The following AGAP1 variants were observed in gnomAD, a reference collection of about 807,000 sequenced individuals.
AGAP1 encodes ArfGAP with GTPase domain, ankyrin repeat and PH domain 1.
In AGAP1, 29 loss-of-function variants were observed where a neutral mutation model predicts 105.3. The ratio of observed to expected loss-of-function variants is 0.28; its 90% confidence interval spans 0.21 to 0.38. AGAP1 has a LOEUF of 0.38. Among genes scored for constraint, AGAP1 ranks in the 10% least tolerant of loss-of-function variants. The pLI, the probability that AGAP1 is intolerant of heterozygous loss-of-function variation, is 1.00. For missense variants in AGAP1, 998 were observed against 1,165.1 expected (o/e 0.86, Z 2.09); for synonymous variants, 509 against 485.9 (o/e 1.05, Z -0.63).
chr2:235,905,971 A>C lies in AGAP1; in HGVS notation c.1156-2767A>C, dbSNP rs2051285445. Among the ~76,000 whole-genome samples, 1 of 152,194 alleles carries C rather than the reference A, an allele frequency of 6.6e-6. No individual in the cohort carries two copies. Among genetic ancestry groups the C allele is most frequent in the Admixed American group, 6.5e-5 (1 of 15,286 alleles). ...TTGATTATGTTTTGTGGAGTCCAGC[A>C]TCTCAACTTCCAAGTGGAATCCCTT... On this transcript the variant is annotated intron_variant, in intron 10 of 17. Transcript: ENST00000304032. The surrounding 1 kb of genome is among the most constrained non-coding windows in gnomAD (Gnocchi z 4.2).
chr2:235,513,069 C>T (rs1413374679), intron 1 of AGAP1, among the ~76,000 whole-genome samples: 2 of 151,412 alleles, frequency 1.3e-5, no homozygotes, highest in Non-Finnish European at 2.9e-5. Flanking sequence ...ATCTAGTTTG[C>T]ACTTTCATTG....
rs570708313 is a variant in AGAP1 at position 235,981,588 on chromosome 2, G to T, written c.1645+12965G>T. On this transcript the variant is annotated intron_variant, in intron 13 of 17. Transcript: ENST00000304032. The surrounding 1 kb of genome is among the most constrained non-coding windows in gnomAD (Gnocchi z 5.5). Reference sequence around the variant, plus strand: ...ATCAATCACGAAACAGAAACTCAGAGTTGACAATCTATTAGCAATAATATC... The same window carrying T: ...ATCAATCACGAAACAGAAACTCAGATTTGACAATCTATTAGCAATAATATC... Among the ~76,000 whole-genome samples the T allele has an allele frequency of 6.6e-6, 1 of 152,290 alleles. No homozygotes were observed. Among genetic ancestry groups the T allele is most frequent in the Non-Finnish European group, 1.5e-5 (1 of 68,008 alleles).
chr2:236,078,092 G>A lies in AGAP1; in HGVS notation c.2114+28811G>A, dbSNP rs2058689812. Among the ~76,000 whole-genome samples, 2 of 144,934 alleles carry A rather than the reference G, an allele frequency of 1.4e-5. No homozygotes were observed. Among genetic ancestry groups the A allele is most frequent in the Non-Finnish European group, 3.0e-5 (2 of 66,188 alleles). On this transcript the variant is annotated intron_variant, in intron 16 of 17. Transcript: ENST00000304032. This position sits in a 1 kb window ranked among gnomAD's most constrained non-coding sequence, Gnocchi z 5.3. ...GTGTGTGTAATCTGAAGTGTGTAGG[G>A]CAGGCCAGCTGGTGTGTGTGTGCAT...
chr2:235,504,472 G>GC (rs1158335836), intron 1 of AGAP1, among the ~76,000 whole-genome samples: 21 of 151,618 alleles, frequency 1.4e-4, no homozygotes, highest in South Asian at 1.1e-3. Flanking sequence ...TGTGTGAGTG[G>GC]TTGCCTGTTT....
At chr2:236,016,315 A>G (rs561489424) in intron 13 of AGAP1, among the ~76,000 whole-genome samples, 35 of 150,390 alleles carry the variant, frequency 2.3e-4, no homozygotes, top group East Asian at 1.8e-3. Flanking sequence ...CGTTTTTTAA[A>G]TGTTTTTCAA....
chr2:235,686,620 G>GATAGATATAGATATATATATATATAT (rs1949416375), intron 1 of AGAP1, among the ~76,000 whole-genome samples: 1 of 57,244 alleles, frequency 1.7e-5, no homozygotes, highest in African/African-American at 8.7e-5. Context: ...TGGAGATATA[G>GATAGATATAGATATATATATATATAT]ATATATATAT....
At chr2:236,033,847 C>T (rs2057298847) in intron 13 of AGAP1, among the ~76,000 whole-genome samples, 1 of 152,224 alleles carries the variant, frequency 6.6e-6, no homozygotes, top group Non-Finnish European at 1.5e-5. Flanking sequence ...TACAGGGGAC[C>T]AGTTGTGCAG....
chr2:236,051,997 G>A lies in AGAP1; in HGVS notation c.2114+2716G>A, dbSNP rs1246121567. 6.6e-6 allele frequency among the ~76,000 whole-genome samples: 1 copy of A among 152,134 alleles called. No individual in the cohort carries two copies. Among genetic ancestry groups the A allele is most frequent in the African/African-American group, 2.4e-5 (1 of 41,414 alleles). ...CTCCGCAAGCCGGTCTGTCCATGAC[G>A]TGAGAAGATTCTGCCTTTCGAAGCC... On this transcript the variant is annotated intron_variant, in intron 16 of 17. Transcript: ENST00000304032. This position sits in a 1 kb window ranked among gnomAD's most constrained non-coding sequence, Gnocchi z 5.9.
At chr2:235,688,248 G>A (rs1403512706) in intron 1 of AGAP1, among the ~76,000 whole-genome samples, 2 of 152,158 alleles carry the variant, frequency 1.3e-5, no homozygotes, top group African/African-American at 2.4e-5. Flanking sequence ...TTGCTGGGCT[G>A]TAGATGGACA....
rs142383642 is a variant in AGAP1, at chr2:235,683,064, T to C, written c.164-26115T>C. On this transcript the variant is annotated intron_variant, in intron 1 of 17. Transcript: ENST00000304032. ...CTTAATTCCTGTAATCCCAGCACTT[T>C]GGGAGGCCGAGGTGGGCAGATCACT... Among the ~76,000 whole-genome samples, 945 of 152,230 alleles carry C rather than the reference T, an allele frequency of 6.2e-3. 13 individuals are homozygous for C. The highest frequency in any genetic ancestry group is 0.019 in the African/African-American group (794 of 41,522).
In AGAP1 at chr2:236,009,760, C is replaced by T. The variant is rs891761934; in HGVS notation, c.1646-26801C>T. Among the ~76,000 whole-genome samples, 7 of 152,202 alleles carry T rather than the reference C, an allele frequency of 4.6e-5. No homozygotes were observed. Among genetic ancestry groups the T allele is most frequent in the East Asian group, 1.9e-4 (1 of 5,204 alleles). The stretch of plus-strand genomic sequence containing the variant: ...CGTGCCTCATTTAGCCGTCCCTGCT[C>T]GGTTCACGCCAAGGATGTAATTCAT... On this transcript the variant is annotated intron_variant, in intron 13 of 17. Coordinates refer to ENST00000304032, the MANE Select transcript of AGAP1 (RefSeq NM_001037131.3). The surrounding 1 kb of genome is among the most constrained non-coding windows in gnomAD (Gnocchi z 4.2).
At chr2:235,638,450 G>C (rs1559306392) in intron 1 of AGAP1, among the ~76,000 whole-genome samples, 1 of 152,132 alleles carries the variant, frequency 6.6e-6, no homozygotes, top group Non-Finnish European at 1.5e-5. Context: ...AGAACAAATT[G>C]TGAATAGAGA....
At chr2:236,098,021 T>G (rs369160180) in intron 16 of AGAP1, among the ~76,000 whole-genome samples, 24 of 152,356 alleles carry the variant, frequency 1.6e-4, no homozygotes, top group African/African-American at 5.8e-4. Context: ...ATATGCAGCC[T>G]TTAAGAAGGC....
chr2:235,795,468 G>A (rs112884527), intron 6 of AGAP1, among the ~76,000 whole-genome samples: 4 of 152,086 alleles, frequency 2.6e-5, no homozygotes, highest in East Asian at 3.9e-4. Flanking sequence ...TCATGCTCCC[G>A]CTCCTCCTCC....
chr2:235,685,817 CAGG>C (rs940247496), intron 1 of AGAP1, among the ~76,000 whole-genome samples: 11 of 152,204 alleles, frequency 7.2e-5, no homozygotes, highest in African/African-American at 2.6e-4. Flanking sequence ...AACACAGCCT[CAGG>C]AGATCTAACA....
At chr2:235,499,809 G>A (rs1465415131) in intron 1 of AGAP1, among the ~76,000 whole-genome samples, 1 of 152,140 alleles carries the variant, frequency 6.6e-6, no homozygotes, top group Admixed American at 6.5e-5. Flanking sequence ...AGCTGGTTGA[G>A]GGCAGAAATC....
In AGAP1 at chr2:235,596,897, G is replaced by A. The variant is rs765293317; in HGVS notation, c.163+102048G>A. On this transcript the variant is annotated intron_variant, in intron 1 of 17. Transcript: ENST00000304032. This position sits in a 1 kb window ranked among gnomAD's most constrained non-coding sequence, Gnocchi z 5.9. ...GGTGGCACGAATGCCCCTCAGGAGC[G>A]CTTGCTCTGTACCCTATGAGGACAT... 1.3e-5 allele frequency among the ~76,000 whole-genome samples: 2 copies of A among 152,142 alleles called. No homozygotes were observed. The highest frequency in any genetic ancestry group is 2.9e-5 in the Non-Finnish European group (2 of 68,020).
Position 236,120,270 on chromosome 2 carries a change from C to T in AGAP1, c.2193C>T (p.Ser731=). ...FLAPLPCTEL[S]LGQHLLRATA... Reference sequence around the variant, plus strand: ...CCCCGCTGCCCTGCACGGAGCTGTCCCTGGGCCAGCACCTGCTGCGGGCCA... The same window carrying T: ...CCCCGCTGCCCTGCACGGAGCTGTCTCTGGGCCAGCACCTGCTGCGGGCCA... The change falls in exon 17 of 18, where the codon TCC becomes TCT. Residue 731 remains serine, a synonymous_variant. Transcript: ENST00000304032. This position sits in a 1 kb window ranked among gnomAD's most constrained non-coding sequence, Gnocchi z 6.0. The T allele has an allele frequency of 6.2e-7, 1 of 1,613,306 alleles. No homozygotes were observed. Among genetic ancestry groups the T allele is most frequent in the Non-Finnish European group, 8.5e-7 (1 of 1,179,754 alleles).
At position 235,554,821 on chromosome 2, in the gene AGAP1, C is replaced by T. The variant is rs577358403; in HGVS notation, c.163+59972C>T. On this transcript the variant is annotated intron_variant, in intron 1 of 17. Coordinates refer to ENST00000304032, the MANE Select transcript of AGAP1 (RefSeq NM_001037131.3). ...TGTAGCTGGGATTACAGGCGCCTGC[C>T]ACCATGCCTGACTAATTTTTGTGTT... Among the ~76,000 whole-genome samples the T allele has an allele frequency of 5.9e-5, 9 of 152,290 alleles. No homozygotes were observed. The South Asian group carries it at 1.9e-3, about 32-fold the overall frequency.
Sources: allele counts gnomAD v4.1 joint callset (sites outside exome capture counted in the v4.1 genomes callset), GRCh38; gene constraint gnomAD v4.1.1; non-coding constraint Gnocchi (gnomAD v3.1); transcripts MANE v1.5; gene names NCBI Gene and HGNC (gene_info 2026-07-23, HGNC 2026-07-21).